Variants in DDAH1 observed in about 807,000 individuals in gnomAD.
DDAH1 encodes the protein N(G),N(G)-dimethylarginine dimethylaminohydrolase 1.
Under a neutral mutation model 28.8 loss-of-function variants are expected in DDAH1, and 19 were observed. That is an observed-to-expected ratio of 0.66 (90% confidence interval 0.46 to 0.97). The LOEUF (loss-of-function observed/expected upper bound fraction) is 0.97, where lower values mean the gene tolerates loss of function less well. Ranked by LOEUF, DDAH1 falls within the 50% of genes least tolerant of loss-of-function variation. DDAH1 has a pLI of 0.00. For missense variants in DDAH1, 326 were observed against 375.9 expected (o/e 0.87, Z 1.10); for synonymous variants, 153 against 154.4 (o/e 0.99, Z 0.07).
intron 1 of DDAH1, among the ~76,000 whole-genome samples, chr1:85,427,157 T>C (rs146733904): frequency 6.6e-5 from 10 of 151,644 alleles, no homozygotes; most frequent in African/African-American, 2.4e-4. Flanking sequence ...CCTTCACATA[T>C]AAAAGAGAAT....
intron 4 of DDAH1, among the ~76,000 whole-genome samples, chr1:85,337,231 T>C (rs766889217): frequency 2.2e-4 from 34 of 152,340 alleles, no homozygotes; most frequent in South Asian, 1.2e-3. Flanking sequence ...TAGGTGTCTT[T>C]GTAAGCTGCT....
intron 1 of DDAH1, among the ~76,000 whole-genome samples, chr1:85,374,955 A>G (rs188119282): frequency 0.01 from 1,586 of 152,246 alleles, 9 homozygotes; most frequent in Middle Eastern, 0.031. Flanking sequence ...CAAAGCAGAG[A>G]TACAGACTTT....
intron 1 of DDAH1, among the ~76,000 whole-genome samples, chr1:85,418,227 C>A (rs774615626): frequency 3.3e-5 from 5 of 152,158 alleles, no homozygotes; most frequent in South Asian, 2.1e-4. Flanking sequence ...GTGGACCAAT[C>A]AAAAAATTGG....
intron 1 of DDAH1, among the ~76,000 whole-genome samples, chr1:85,417,488 T>G (rs1173577430): frequency 6.6e-6 from 1 of 152,222 alleles, no homozygotes; most frequent in Non-Finnish European, 1.5e-5. Context: ...GAGGGCAGGT[T>G]CTTCACCACT....
chr1:85,464,797 C>T lies in DDAH1; in HGVS notation c.249G>A (p.Val83=), dbSNP rs902410416. ...DCVFVEDVAV[V]CEETALITRP... ...GGGTGATGAGGGCCGTCTCCTCGCA[C>T]ACCACGGCCACGTCCTCCACGAAGA... The change falls in exon 1 of 6, where the codon GTG becomes GTA. Residue 83 remains valine, a synonymous_variant. Transcript: ENST00000284031. The surrounding 1 kb of genome is among the most constrained non-coding windows in gnomAD (Gnocchi z 4.4). 3.2e-6 allele frequency: 5 copies of T among 1,583,922 alleles called. No homozygotes were observed. In the African/African-American group the frequency reaches 4.2e-5, roughly 13 times the overall value.
chr1:85,485,130 T>C lies in DDAH1; in HGVS notation c.-7+11036A>G, dbSNP rs189109331. Among the ~76,000 whole-genome samples, 35 of 152,350 alleles carry C rather than the reference T, an allele frequency of 2.3e-4. 1 individual carries two copies. Among genetic ancestry groups the C allele is most frequent in the Middle Eastern group, 3.4e-3 (1 of 294 alleles). On this transcript the variant is annotated intron_variant, in intron 2 of 6. Transcript: ENST00000426972. The stretch of plus-strand genomic sequence containing the variant: ...TAATTATTGCCTGTTTAATATCACA[T>C]AATGCTGTGCGGGTGCCACAGAAAA...
intron 1 of DDAH1, among the ~76,000 whole-genome samples, chr1:85,513,919 T>C (rs1350326941): frequency 6.6e-6 from 1 of 152,198 alleles, no homozygotes; most frequent in Non-Finnish European, 1.5e-5. Context: ...TGTAAAGTAG[T>C]CCAACCATTG....
At chr1:85,458,417 A>C (rs1201428501) in intron 1 of DDAH1, among the ~76,000 whole-genome samples, 1 of 144,294 alleles carries the variant, frequency 6.9e-6, no homozygotes, top group Non-Finnish European at 1.5e-5. Flanking sequence ...ATGACATTAC[A>C]CACACACTTT....
chr1:85,404,751 C>T (rs1332614537), intron 1 of DDAH1, among the ~76,000 whole-genome samples: 1 of 152,198 alleles, frequency 6.6e-6, no homozygotes, highest in Non-Finnish European at 1.5e-5. Context: ...CTTTCTCTCT[C>T]TCTCTCAAGT....
At chr1:85,426,781 G>A (rs2100624767) in intron 1 of DDAH1, among the ~76,000 whole-genome samples, 1 of 151,858 alleles carries the variant, frequency 6.6e-6, no homozygotes. Flanking sequence ...GCATGGTGGT[G>A]TGCACCTGTA....
At chr1:85,466,829 A>ATTTTTTTTTTTTT (rs1158919618), upstream of DDAH1, among the ~76,000 whole-genome samples, 1 of 46,582 alleles carries the variant, frequency 2.1e-5, no homozygotes, top group African/African-American at 7.4e-5. Flanking sequence ...TTCATTATTT[A>ATTTTTTTTTTTTT]TTCTTTTTTT....
chr1:85,574,157 C>T (rs1405434849), intron 1 of DDAH1, among the ~76,000 whole-genome samples: 5 of 152,244 alleles, frequency 3.3e-5, no homozygotes, highest in African/African-American at 1.2e-4. Context: ...CATTCAGCCT[C>T]TCATAGATGG....
intron 2 of DDAH1, chr1:85,494,149 A>C (rs1426039403): frequency 6.6e-6 from 1 of 152,226 alleles, no homozygotes; most frequent in Non-Finnish European, 1.5e-5. Flanking sequence ...GGTTGTGTGC[A>C]GATTAATATC....
intron 1 of DDAH1, among the ~76,000 whole-genome samples, chr1:85,430,903 C>G (rs1409636062): frequency 6.6e-6 from 1 of 152,112 alleles, no homozygotes; most frequent in Non-Finnish European, 1.5e-5. Flanking sequence ...TGCCTGATTT[C>G]CCTGGCCAGA....
At chr1:85,494,832 C>T (rs6661976) in intron 2 of DDAH1, 71,416 of 152,058 alleles carry the variant, frequency 0.47, 17,639 homozygotes, top group East Asian at 0.61. Context: ...GGCAGGCAGG[C>T]AGAATCATAT....
At chr1:85,522,677 G>C (rs1440832007) in intron 1 of DDAH1, among the ~76,000 whole-genome samples, 2 of 151,510 alleles carry the variant, frequency 1.3e-5, no homozygotes, top group East Asian at 3.9e-4. Context: ...CCTCATCAAA[G>C]ACTATTCATT....
At position 85,324,878 on chromosome 1, in the gene DDAH1, CA is replaced by C; in HGVS notation, c.602del (p.Met201SerfsTer4). 6.2e-7 allele frequency: 1 copy of C among 1,613,870 alleles called. No homozygotes were observed. Among genetic ancestry groups the C allele is most frequent in the Non-Finnish European group, 8.5e-7 (1 of 1,179,904 alleles). The part of the protein sequence containing the change: ...SESAQKALKI[M>X]QQMSDHRYDK... ...CGTAGCGGTGGTCACTCATCTGTTG[CA>C]TGATCTATAAAGAGAAACAAAGCAG... On this transcript the variant is annotated frameshift_variant, in exon 5 of 6. Transcript: ENST00000284031. LOFTEE classifies it high-confidence loss of function.
intron 4 of DDAH1, among the ~76,000 whole-genome samples, chr1:85,348,514 C>T (rs970545195): frequency 6.6e-6 from 1 of 152,188 alleles, no homozygotes; most frequent in African/African-American, 2.4e-5. Context: ...AGAAACTCTA[C>T]GAGTTGAGCT....
Position 85,507,144 on chromosome 1 carries a change from G to A in DDAH1, c.-122-10863C>T, listed in dbSNP as rs117806626. On this transcript the variant is annotated intron_variant, in intron 1 of 6. Coordinates refer to the DDAH1 transcript ENST00000426972. ...CACACAAATATATATATATGTGTGT[G>A]TGTGTATATATTTTGAAAGTTGTTG... is the stretch of plus-strand genomic sequence containing the variant. 1.6e-4 allele frequency among the ~76,000 whole-genome samples: 24 copies of A among 152,008 alleles called. No individual in the cohort carries two copies. In the East Asian group the frequency reaches 3.9e-3, roughly 24 times the overall value.
Sources: gnomAD v4.1 joint callset for allele counts (sites outside exome capture counted in the v4.1 genomes callset) on GRCh38, gnomAD v4.1.1 for gene constraint, Gnocchi (gnomAD v3.1) non-coding constraint, MANE v1.5 for transcripts, NCBI Gene and HGNC (gene_info 2026-07-23, HGNC 2026-07-21) for gene names.